URB1: variants seen among roughly 807,000 people sequenced by gnomAD.
URB1 encodes nucleolar pre-ribosomal-associated protein 1.
URB1 carries 197 observed loss-of-function variants against 242.3 expected under a neutral mutation model. The observed-to-expected ratio is 0.81, with a 90% CI of 0.72 to 0.91. The LOEUF is 0.91. Among genes scored for constraint, URB1 ranks in the 40% least tolerant of loss-of-function variants. The pLI is 0.00. For synonymous variants in URB1, 1,153 were observed against 1,201.8 expected (o/e 0.96, Z 0.84); for missense variants, 2,721 against 2,860.5 (o/e 0.95, Z 1.11).
At position 32,338,691 on chromosome 21, in the gene URB1, T is replaced by G; in HGVS notation, c.4510+16A>C. The G allele has an allele frequency of 6.4e-7, 1 of 1,550,554 alleles. No individual in the cohort carries two copies. The highest frequency in any genetic ancestry group is 8.7e-7 in the Non-Finnish European group (1 of 1,146,846). ...AAATCTGGATACGGAATGGAAGGGC[T>G]GGGGTGAGGGGTCACCTTTTACTTG... On this transcript the variant is annotated intron_variant, in intron 26 of 38. Transcript: ENST00000382751.
At chr21:32,323,319 C>A (rs559167545) in intron 32 of URB1, among the ~76,000 whole-genome samples, 1 of 152,326 alleles carries the variant, frequency 6.6e-6, no homozygotes, top group South Asian at 2.1e-4. Flanking sequence ...GGGGCCTTGA[C>A]AAGCTATCTA....
intron 1 of URB1, among the ~76,000 whole-genome samples, chr21:32,389,102 A>G (rs770440026): frequency 6.6e-6 from 1 of 152,242 alleles, no homozygotes; most frequent in Non-Finnish European, 1.5e-5. Flanking sequence ...CCTAGGGAAC[A>G]TGATCTAGAT....
At chr21:32,371,697 T>C (rs1337416663) in intron 8 of URB1, among the ~76,000 whole-genome samples, 4 of 151,966 alleles carry the variant, frequency 2.6e-5, no homozygotes, top group Non-Finnish European at 5.9e-5. Flanking sequence ...TAGGATAGAA[T>C]AACAAGGATT....
At chr21:32,346,187 G>A (rs895768593) in intron 22 of URB1, among the ~76,000 whole-genome samples, 2 of 152,102 alleles carry the variant, frequency 1.3e-5, no homozygotes, top group Non-Finnish European at 1.5e-5. Flanking sequence ...AGCTGGCTCC[G>A]CTTTTTCTTC....
In URB1 at chr21:32,359,877, C is replaced by T; in HGVS notation, c.1788G>A (p.Glu596=). The T allele has an allele frequency of 6.5e-7, 1 of 1,548,052 alleles. No individual in the cohort carries two copies. Among genetic ancestry groups the T allele is most frequent in the Non-Finnish European group, 8.7e-7 (1 of 1,145,672 alleles). ...TGTGGTGCTGCAGAATGGGAGGCAC[C>T]TCCTCTCGAAGGCCCTGCTCAGAGA... ...GVISEQGLRE[E]VPPILQHHML... Residue 596 remains glutamate, a synonymous_variant, in exon 14 of 39, where the codon GAG becomes GAA. Coordinates refer to ENST00000382751, the MANE Select transcript of URB1 (RefSeq NM_014825.3).
Position 32,325,395 on chromosome 21 carries a change from G to A in URB1, c.4961-6C>T. 6.5e-7 allele frequency: 1 copy of A among 1,546,778 alleles called. No homozygotes were observed. The highest frequency in any genetic ancestry group is 8.7e-7 in the Non-Finnish European group (1 of 1,142,930). ...TCGACAATCCACCACAAACTCTGCA[G>A]GAAATGAAATACAGCATGAAACACA... On this transcript the variant is annotated splice_polypyrimidine_tract_variant and splice_region_variant and intron_variant, in intron 30 of 38. Coordinates refer to ENST00000382751, the MANE Select transcript of URB1 (RefSeq NM_014825.3).
chr21:32,380,753 C>T (rs2033513958), intron 4 of URB1, among the ~76,000 whole-genome samples: 1 of 152,204 alleles, frequency 6.6e-6, no homozygotes, highest in Non-Finnish European at 1.5e-5. Context: ...CTAAAACTTG[C>T]CTGGCAAAAT....
At chr21:32,337,562 C>G (rs759916339) in intron 26 of URB1, 48 bp from the exon 27 acceptor site, 2 of 1,479,028 alleles carry the variant, frequency 1.4e-6, no homozygotes, top group East Asian at 4.9e-5. Context: ...GGCAGACACA[C>G]TGAATACCAG....
At chr21:32,377,609 T>C (rs982611383) in intron 5 of URB1, among the ~76,000 whole-genome samples, 1 of 151,692 alleles carries the variant, frequency 6.6e-6, no homozygotes, top group African/African-American at 2.4e-5. Context: ...ACAGCAGCAA[T>C]AGAGCGCCCC....
chr21:32,392,865 C>G lies in URB1; in HGVS notation c.46G>C (p.Ala16Pro). ...RKASGGQDGA[A>P]SSAGAAKRAR... ...CGCTTGGCTGCACCCGCGGAGGAAGCCGCGCCGTCCTGGCCGCCCGAGGCC... is the reference window on the plus strand; with the variant it reads ...CGCTTGGCTGCACCCGCGGAGGAAGGCGCGCCGTCCTGGCCGCCCGAGGCC... The change falls in exon 1 of 39, where the codon GCT (alanine) becomes CCT (proline). Residue 16 changes from alanine (A) to proline (P), a missense_variant. Coordinates refer to ENST00000382751, the MANE Select transcript of URB1 (RefSeq NM_014825.3). The G allele has an allele frequency of 6.5e-7, 1 of 1,532,800 alleles. No individual in the cohort carries two copies. Among genetic ancestry groups the G allele is most frequent in the Non-Finnish European group, 8.7e-7 (1 of 1,144,974 alleles). 94.9% of individuals were successfully genotyped at this position (1,532,800 alleles called of 1,614,324 possible).
rs2032645125 is a variant in URB1, at chr21:32,314,418, C to T, written c.*500G>A. 1.3e-6 allele frequency: 1 copy of T among 747,854 alleles called. No homozygotes were observed. The highest frequency in any genetic ancestry group is 2.0e-5 in the Admixed American group (1 of 49,298). 46.3% of individuals were successfully genotyped at this position (747,854 alleles called of 1,614,324 possible). A position where few individuals can be genotyped will look rare whatever the true frequency, so the allele number is the denominator to read the frequency against. On this transcript the variant is annotated 3_prime_UTR_variant, in exon 39 of 39. Coordinates refer to ENST00000382751, the MANE Select transcript of URB1 (RefSeq NM_014825.3). ...AAGGCTGGTTTCGAACTCCTGACCT[C>T]AGGTGATTCACCCGCCTTGGCCTCC... is the stretch of plus-strand genomic sequence containing the variant.
intron 8 of URB1, among the ~76,000 whole-genome samples, 157 bp from the exon 9 acceptor site, chr21:32,368,755 C>A (rs2033373894): frequency 6.6e-6 from 1 of 152,090 alleles, no homozygotes; most frequent in Non-Finnish European, 1.5e-5. Context: ...GGTTCCGTGG[C>A]CTGGGGGTTC....
chr21:32,363,490 G>A (rs945445106), intron 10 of URB1, among the ~76,000 whole-genome samples, 161 bp from the exon 11 acceptor site: 13 of 152,112 alleles, frequency 8.5e-5, no homozygotes, highest in East Asian at 1.9e-4. Context: ...TGGGTACCTC[G>A]CCCTCCTGAC....
At position 32,319,261 on chromosome 21, in the gene URB1, G is replaced by T; in HGVS notation, c.5748C>A (p.Val1916=). The T allele has an allele frequency of 6.4e-7, 1 of 1,551,268 alleles. No homozygotes were observed. The highest frequency in any genetic ancestry group is 8.7e-7 in the Non-Finnish European group (1 of 1,146,800). ...CGATGAGAACATAAAGGAACTCATT[G>T]ACCAGGTGCAGGGCAAGCCGCTTGG... The part of the protein sequence containing the change: ...EPAKRLALHL[V]NEFLYVLIVL... Residue 1916 remains valine (V), a synonymous_variant, in exon 36 of 39, where the codon GTC becomes GTA. Transcript: ENST00000382751.
intron 9 of URB1, among the ~76,000 whole-genome samples, chr21:32,368,066 GCTAA>G (rs1363565582): frequency 6.6e-6 from 1 of 152,020 alleles, no homozygotes; most frequent in Non-Finnish European, 1.5e-5. Flanking sequence ...CCCCTACCTA[GCTAA>G]CAGACTTATT....
chr21:32,369,912 G>C (rs2033388048), intron 8 of URB1, among the ~76,000 whole-genome samples: 1 of 150,248 alleles, frequency 6.7e-6, no homozygotes, highest in Non-Finnish European at 1.5e-5. Flanking sequence ...GGACTTCAAG[G>C]CTGCAGTAAC....
In URB1 at chr21:32,317,903, G is replaced by A; in HGVS notation, c.5807C>T (p.Pro1936Leu). 6.4e-7 allele frequency: 1 copy of A among 1,551,672 alleles called. No individual in the cohort carries two copies. Among genetic ancestry groups the A allele is most frequent in the Non-Finnish European group, 8.7e-7 (1 of 1,146,972 alleles). ...LMKHLRPTLA[P>L]VQLTNFFGTL... ...CCCGAAGAAGTTGGTCAGCTGGACG[G>A]GGGCCAAGGTGGGCCTGTTTGGGAG... Residue 1936 changes from proline (P) to leucine (L), a missense_variant, in exon 37 of 39, where the codon CCC becomes CTC. Physicochemically the swap from Pro to Leu is moderately conservative, Grantham distance 98 (BLOSUM62 -3). Coordinates refer to ENST00000382751, the MANE Select transcript of URB1 (RefSeq NM_014825.3).
chr21:32,331,696 AGAAAACTGT>A (rs1227497724), intron 30 of URB1, among the ~76,000 whole-genome samples: 6 of 152,264 alleles, frequency 3.9e-5, no homozygotes, highest in Non-Finnish European at 7.3e-5. Context: ...CTAGCAAGAC[AGAAAACTGT>A]GAGCCAAGAG....
chr21:32,388,364 C>T lies in URB1; in HGVS notation c.143-2680G>A, dbSNP rs181899600. On this transcript the variant is annotated intron_variant, in intron 1 of 38. Transcript: ENST00000382751. ...AGGTAAACCCTCAAAACATAAGCAGCCCCCCGGGTGTCCTCAGCAGCAGCA... is the reference window on the plus strand; with the variant it reads ...AGGTAAACCCTCAAAACATAAGCAGTCCCCCGGGTGTCCTCAGCAGCAGCA... 1.2e-3 allele frequency among the ~76,000 whole-genome samples: 188 copies of T among 152,278 alleles called. 1 individual carries two copies. Among genetic ancestry groups the T allele is most frequent in the African/African-American group, 4.0e-3 (166 of 41,560 alleles).
Sources: gnomAD v4.1 joint callset for allele counts (sites outside exome capture counted in the v4.1 genomes callset) on GRCh38, gnomAD v4.1.1 for gene constraint, MANE v1.5 for transcripts, NCBI Gene and HGNC (gene_info 2026-07-23, HGNC 2026-07-21) for gene names.